The following CMKLR2 variants were observed in gnomAD, a reference collection of about 807,000 sequenced individuals.
The protein encoded by CMKLR2 is chemerin chemokine-like receptor 2.
Under a neutral mutation model 23.0 loss-of-function variants are expected in CMKLR2, and 18 were observed. The ratio of observed to expected loss-of-function variants is 0.78; its 90% CI spans 0.54 to 1.16. CMKLR2 has a LOEUF of 1.16. Ranked by LOEUF, CMKLR2 falls within the 50% of genes most tolerant of loss-of-function variation. The pLI is 0.00. For missense variants in CMKLR2, 401 were observed against 412.7 expected (o/e 0.97, Z 0.25); for synonymous variants, 158 against 158.9 (o/e 0.99, Z 0.05).
chr2:206,194,067 G>A (rs1243043981), intron 1 of CMKLR2, among the ~76,000 whole-genome samples: 3 of 152,150 alleles, frequency 2.0e-5, no homozygotes, highest in African/African-American at 2.4e-5. Flanking sequence ...AAAGGGGAGG[G>A]AACAGTAATC....
At chr2:206,204,691 C>T (rs1054176155) in intron 1 of CMKLR2, among the ~76,000 whole-genome samples, 1 of 151,928 alleles carries the variant, frequency 6.6e-6, no homozygotes, top group Non-Finnish European at 1.5e-5. Context: ...TCCTGAGTAG[C>T]GGGGATTACA....
intron 1 of CMKLR2, among the ~76,000 whole-genome samples, chr2:206,195,858 G>A (rs369544987): frequency 1.3e-5 from 2 of 152,134 alleles, no homozygotes; most frequent in Non-Finnish European, 2.9e-5. Context: ...GGAGGCTGAG[G>A]CAGAAGAATC....
chr2:206,176,458 G>C lies in CMKLR2; in HGVS notation c.790C>G (p.Leu264Val). ...AFVVCWTPYH[L>V]FSIWELTIHH... ...ATGGTGAGCTCCCAAATGCTAAACA[G>C]GTGATAAGGAGTCCAGCAAACCACA... The change falls in exon 2 of 2, where the codon CTG becomes GTG. Residue 264 changes from leucine to valine, a missense_variant. Coordinates refer to ENST00000621141, the MANE Select transcript of CMKLR2 (RefSeq NM_001389445.1). The C allele has an allele frequency of 6.2e-7, 1 of 1,614,156 alleles. No individual in the cohort carries two copies. Among genetic ancestry groups the C allele is most frequent in the Non-Finnish European group, 8.5e-7 (1 of 1,180,038 alleles).
chr2:206,211,533 G>A (rs1689561426), intron 1 of CMKLR2, among the ~76,000 whole-genome samples: 1 of 151,698 alleles, frequency 6.6e-6, no homozygotes, highest in African/African-American at 2.4e-5. Context: ...ACTAAAGGCT[G>A]GTCTCGAACT....
intron 1 of CMKLR2, among the ~76,000 whole-genome samples, chr2:206,212,779 C>T (rs1320440829): frequency 6.6e-6 from 1 of 152,186 alleles, no homozygotes; most frequent in Non-Finnish European, 1.5e-5. Context: ...AGCCTTTCAT[C>T]GTAAAAATGG....
At chr2:206,202,790 C>T (rs1478695102) in intron 1 of CMKLR2, among the ~76,000 whole-genome samples, 1 of 151,990 alleles carries the variant, frequency 6.6e-6, no homozygotes, top group East Asian at 1.9e-4. Context: ...AACTCTGCTC[C>T]TCTCAGTGTC....
intron 1 of CMKLR2, among the ~76,000 whole-genome samples, chr2:206,190,441 T>A (rs1392456355): frequency 6.6e-6 from 1 of 152,142 alleles, no homozygotes; most frequent in Admixed American, 6.5e-5. Flanking sequence ...AGAATTTGAA[T>A]GGAAGTAAGA....
chr2:206,188,024 T>C (rs538805673), intron 1 of CMKLR2, among the ~76,000 whole-genome samples: 28 of 152,110 alleles, frequency 1.8e-4, no homozygotes, highest in Non-Finnish European at 3.4e-4. Context: ...GAATCAAGTA[T>C]GAAAAATCAA....
At chr2:206,211,089 C>G (rs141668364) in intron 1 of CMKLR2, among the ~76,000 whole-genome samples, 2 of 152,254 alleles carry the variant, frequency 1.3e-5, no homozygotes, top group Admixed American at 1.3e-4. Flanking sequence ...GCCAGGTTGT[C>G]TACCTCCTTT....
At chr2:206,192,194 G>A (rs749155857) in intron 1 of CMKLR2, among the ~76,000 whole-genome samples, 30 of 151,220 alleles carry the variant, frequency 2.0e-4, no homozygotes, top group Non-Finnish European at 4.0e-4. Flanking sequence ...TGCCCAGGCT[G>A]GTCTCGAACT....
At chr2:206,208,705 T>A (rs1689429867) in intron 1 of CMKLR2, among the ~76,000 whole-genome samples, 1 of 151,650 alleles carries the variant, frequency 6.6e-6, no homozygotes, top group Non-Finnish European at 1.5e-5. Flanking sequence ...AGTGGCATGA[T>A]CACATCTCAT....
upstream of CMKLR2, among the ~76,000 whole-genome samples, chr2:206,215,863 T>C (rs1354576074): frequency 2.0e-5 from 3 of 152,180 alleles, no homozygotes; most frequent in Non-Finnish European, 4.4e-5. Context: ...GGTCAGTTAA[T>C]TGGAGATCTA....
At chr2:206,194,333 G>C (rs551185034) in intron 1 of CMKLR2, among the ~76,000 whole-genome samples, 32 of 152,196 alleles carry the variant, frequency 2.1e-4, no homozygotes, top group African/African-American at 7.7e-4. Flanking sequence ...AAGGAGTATA[G>C]GATAAGATGT....
intron 1 of CMKLR2, among the ~76,000 whole-genome samples, chr2:206,189,373 G>A (rs905198294): frequency 1.3e-5 from 2 of 152,124 alleles, no homozygotes; most frequent in Admixed American, 6.6e-5. Flanking sequence ...GGTGGCTCAC[G>A]CCTATAATCC....
intron 1 of CMKLR2, among the ~76,000 whole-genome samples, chr2:206,194,342 G>T (rs1559090649): frequency 6.6e-6 from 1 of 151,976 alleles, no homozygotes; most frequent in African/African-American, 2.4e-5. Flanking sequence ...AGGATAAGAT[G>T]TAGACATAAA....
chr2:206,210,712 C>T (rs1456316030), intron 1 of CMKLR2, among the ~76,000 whole-genome samples: 1 of 152,134 alleles, frequency 6.6e-6, no homozygotes, highest in Non-Finnish European at 1.5e-5. Flanking sequence ...CAGTCTGCCT[C>T]AGCCTCCCAA....
upstream of CMKLR2, chr2:206,217,426 C>T (rs139317891): frequency 4.6e-5 from 7 of 152,314 alleles, no homozygotes; most frequent in African/African-American, 9.6e-5. Flanking sequence ...CATACAGGGA[C>T]GTTTTCATCC....
intron 1 of CMKLR2, among the ~76,000 whole-genome samples, chr2:206,186,410 C>T (rs989179783): frequency 2.0e-5 from 3 of 152,038 alleles, no homozygotes; most frequent in South Asian, 2.1e-4. Flanking sequence ...CGCGCCCGGC[C>T]GGAATGGGCT....
At position 206,176,193 on chromosome 2, in the gene CMKLR2, T is replaced by C. The variant is rs760975303; in HGVS notation, c.1055A>G (p.Glu352Gly). Residue 352 changes from glutamate to glycine, a missense_variant, in exon 2 of 2, where the codon GAA becomes GGA. Glu to Gly is a moderately conservative substitution (Grantham distance 98, BLOSUM62 -2). Transcript: ENST00000621141. ...AAAAGTAATAACTTATTGAGCTGTT[T>C]CCAGGAGACACAGATTCTTGGTTTC... ...NSETKNLCLL[E>G]TAQ 2 of 1,610,186 alleles carry C rather than the reference T, an allele frequency of 1.2e-6. No individual in the cohort carries two copies. The highest frequency in any genetic ancestry group is 1.1e-5 in the South Asian group (1 of 90,608).
Sources: gnomAD v4.1 joint callset for allele counts (sites outside exome capture counted in the v4.1 genomes callset) on GRCh38, gnomAD v4.1.1 for gene constraint, MANE v1.5 for transcripts, NCBI Gene and HGNC (gene_info 2026-07-23, HGNC 2026-07-21) for gene names.